Variants in CAPN2 observed in about 807,000 individuals in gnomAD.
CAPN2 encodes calpain-2 catalytic subunit.
CAPN2 carries 92 observed loss-of-function variants against 102.3 expected under a neutral mutation model. The observed-to-expected ratio is 0.90, with a 90% CI of 0.76 to 1.07. The LOEUF (loss-of-function observed/expected upper bound fraction) is 1.07, where lower values mean the gene tolerates loss of function less well. Among genes scored for constraint, CAPN2 ranks in the 50% least tolerant of loss-of-function variants. The pLI, the probability that CAPN2 is intolerant of heterozygous loss-of-function variation, is 0.00. For missense variants in CAPN2, 800 were observed against 909.4 expected, an observed-to-expected ratio of 0.88 and a Z score of 1.55; for synonymous variants, 340 against 355.4, an observed-to-expected ratio of 0.96 and a Z score of 0.49.
chr1:223,705,868 GT>G (rs1384386578), intron 1 of CAPN2, among the ~76,000 whole-genome samples: 9 of 152,212 alleles, frequency 5.9e-5, no homozygotes, highest in African/African-American at 2.2e-4. Flanking sequence ...CACATACACT[GT>G]GATTTGATGC....
At chr1:223,762,098 T>C (rs1029331535) in intron 13 of CAPN2, 88 bp from the exon 14 acceptor site, 2 of 1,074,248 alleles carry the variant, frequency 1.9e-6, no homozygotes, top group Non-Finnish European at 2.8e-6. Context: ...AGAAGGGGAG[T>C]GGGAGGTGGC....
At chr1:223,740,859 G>A (rs547499826) in intron 2 of CAPN2, among the ~76,000 whole-genome samples, 2 of 152,198 alleles carry the variant, frequency 1.3e-5, no homozygotes, top group Admixed American at 6.5e-5. Context: ...GTCCAATTTC[G>A]AATTCAATTA....
chr1:223,747,173 C>T lies in CAPN2; in HGVS notation c.729+8C>T, dbSNP rs1374803136. On this transcript the variant is annotated splice_region_variant and intron_variant, in intron 5 of 20. Coordinates refer to ENST00000295006, the MANE Select transcript of CAPN2 (RefSeq NM_001748.5). ...CTTGGCTGCTCCATCGACGTAAGTC[C>T]AGGCTGCCTTCCCTAGCCTCACCCC... 6.2e-7 allele frequency: 1 copy of T among 1,609,886 alleles called. No individual in the cohort carries two copies.
intron 1 of CAPN2, among the ~76,000 whole-genome samples, chr1:223,705,449 T>C (rs1216724307): frequency 6.6e-6 from 1 of 152,142 alleles, no homozygotes; most frequent in Non-Finnish European, 1.5e-5. Context: ...AGCATATATC[T>C]GGGCAGTTCT....
At chr1:223,761,799 G>A (rs537095861) in intron 13 of CAPN2, 182 bp downstream of exon 13, 1 of 571,140 alleles carries the variant, frequency 1.8e-6, no homozygotes, top group Admixed American at 3.1e-5. Flanking sequence ...CTGGGGGCAT[G>A]GGCCAGTCCC....
chr1:223,736,325 A>AC (rs1397460800), intron 2 of CAPN2, among the ~76,000 whole-genome samples: 1 of 152,000 alleles, frequency 6.6e-6, no homozygotes, highest in African/African-American at 2.4e-5. Context: ...AAGCCAAGGA[A>AC]CCCCAGGAGG....
At chr1:223,764,241 C>T (rs1021453650) in intron 15 of CAPN2, 34 bp downstream of exon 15, 2 of 1,575,576 alleles carry the variant, frequency 1.3e-6, no homozygotes, top group African/African-American at 2.7e-5. Context: ...CCTCATCCTG[C>T]TCTTTCCCCT....
At chr1:223,742,080 G>A (rs73123609) in intron 2 of CAPN2, among the ~76,000 whole-genome samples, 3,676 of 152,240 alleles carry the variant, frequency 0.024, 157 homozygotes, top group African/African-American at 0.084. Context: ...CTAAGTCATC[G>A]ACTAGAATTC....
At chr1:223,757,089 A>G (rs1571811786) in intron 10 of CAPN2, among the ~76,000 whole-genome samples, 1 of 152,108 alleles carries the variant, frequency 6.6e-6, no homozygotes, top group East Asian at 1.9e-4. Context: ...CCTGCGTGGG[A>G]GGCCGATATG....
intron 2 of CAPN2, among the ~76,000 whole-genome samples, chr1:223,734,286 TA>T (rs1277839795): frequency 2.6e-5 from 4 of 152,128 alleles, no homozygotes; most frequent in African/African-American, 4.8e-5. Flanking sequence ...TTAAAAAATG[TA>T]CTTTCTTTTT....
intron 2 of CAPN2, among the ~76,000 whole-genome samples, chr1:223,735,718 C>T (rs1406398786): frequency 6.6e-6 from 1 of 151,722 alleles, no homozygotes; most frequent in African/African-American, 2.4e-5. Context: ...TGCCCAGCAG[C>T]GAGGGGGACA....
At chr1:223,707,265 T>C (rs1659631528) in intron 1 of CAPN2, among the ~76,000 whole-genome samples, 1 of 152,114 alleles carries the variant, frequency 6.6e-6, no homozygotes, top group Admixed American at 6.6e-5. Flanking sequence ...CTTCTCTCTC[T>C]CTCTCTTTCT....
intron 2 of CAPN2, among the ~76,000 whole-genome samples, chr1:223,736,889 T>G (rs1660468885): frequency 6.6e-6 from 1 of 152,018 alleles, no homozygotes; most frequent in Admixed American, 6.6e-5. Context: ...AAAAAAAGTT[T>G]TTTAATTAGC....
intron 2 of CAPN2, among the ~76,000 whole-genome samples, chr1:223,743,126 C>T (rs1223496754): frequency 6.6e-6 from 1 of 152,178 alleles, no homozygotes; most frequent in Non-Finnish European, 1.5e-5. Flanking sequence ...CAAATGGGTG[C>T]CGAGTGCTTA....
Position 223,747,059 on chromosome 1 carries a change from C to T in CAPN2, c.623C>T (p.Thr208Ile), listed in dbSNP as rs759453896. ...GATTEGFEDFTGGIAEWYELK... is the reference protein window; with the variant it reads ...GATTEGFEDFIGGIAEWYELK... The stretch of plus-strand genomic sequence containing the variant: ...ACCACTGAGGGCTTCGAAGACTTCA[C>T]CGGAGGCATTGCTGAGTGGTATGAG... Residue 208 changes from threonine (T) to isoleucine (I), a missense_variant, in exon 5 of 21, where the codon ACC (threonine) becomes ATC (isoleucine). Physicochemically the swap from Thr to Ile is moderately conservative, Grantham distance 89 (BLOSUM62 -1). Transcript: ENST00000295006. The T allele has an allele frequency of 1.9e-5, 30 of 1,614,088 alleles. No individual in the cohort carries two copies. Among genetic ancestry groups the T allele is most frequent in the Non-Finnish European group, 2.5e-5 (30 of 1,179,958 alleles).
At chr1:223,739,919 G>A (rs1660570582) in intron 2 of CAPN2, among the ~76,000 whole-genome samples, 1 of 152,130 alleles carries the variant, frequency 6.6e-6, no homozygotes, top group Non-Finnish European at 1.5e-5. Context: ...TATTTTATCC[G>A]GACCAGGATA....
chr1:223,757,845 GTTT>G (rs35617793), intron 11 of CAPN2: 19 of 142,594 alleles, frequency 1.3e-4, no homozygotes, highest in African/African-American at 2.3e-4. Context: ...TCAGGGTTTT[GTTT>G]TTTTTTTTTT....
chr1:223,702,312 A>G (rs529437663), intron 1 of CAPN2, among the ~76,000 whole-genome samples: 13 of 152,234 alleles, frequency 8.5e-5, no homozygotes, highest in African/African-American at 3.1e-4. Flanking sequence ...CTGTAATCCC[A>G]GCTACTAGGG....
chr1:223,706,748 G>A (rs759911587), intron 1 of CAPN2, among the ~76,000 whole-genome samples: 26 of 152,188 alleles, frequency 1.7e-4, no homozygotes, highest in Admixed American at 2.0e-4. Context: ...AGACTGACAC[G>A]TGGAGGTGCA....
Sources: gnomAD v4.1 joint callset for allele counts (sites outside exome capture counted in the v4.1 genomes callset) on GRCh38, gnomAD v4.1.1 for gene constraint, MANE v1.5 for transcripts, NCBI Gene and HGNC (gene_info 2026-07-23, HGNC 2026-07-21) for gene names.